CNTN1: variants seen among roughly 807,000 people sequenced by gnomAD.
CNTN1 encodes the protein contactin 1, also known as contactin-1.
Under a neutral mutation model 126.4 loss-of-function variants are expected in CNTN1, and 38 were observed. The observed-to-expected ratio is 0.30, with a 90% CI of 0.23 to 0.39. The LOEUF (loss-of-function observed/expected upper bound fraction) is 0.39, where lower values mean the gene tolerates loss of function less well. Ranked by LOEUF, CNTN1 falls within the 10% of genes least tolerant of loss-of-function variation. CNTN1 has a pLI of 1.00. For missense variants in CNTN1, 1,009 were observed against 1,248.4 expected, an observed-to-expected ratio of 0.81 and a Z score of 2.89; for synonymous variants, 413 against 422.6, an observed-to-expected ratio of 0.98 and a Z score of 0.28.
intron 1 of CNTN1, among the ~76,000 whole-genome samples, chr12:40,815,835 G>C (rs1363064870): frequency 6.6e-6 from 1 of 152,062 alleles, no homozygotes; most frequent in Non-Finnish European, 1.5e-5. Flanking sequence ...TTAATACTTA[G>C]TTTATTGAGA....
At chr12:40,913,285 T>C (rs554467331) in intron 3 of CNTN1, among the ~76,000 whole-genome samples, 22 of 152,334 alleles carry the variant, frequency 1.4e-4, no homozygotes, top group Non-Finnish European at 2.9e-4. Context: ...GCCCATCTTC[T>C]GTTATCAGCA....
intron 19 of CNTN1, among the ~76,000 whole-genome samples, chr12:41,018,586 G>A (rs1417187059): frequency 2.7e-5 from 4 of 150,912 alleles, no homozygotes; most frequent in Admixed American, 6.6e-5. Flanking sequence ...ATTCATATAT[G>A]TTAAAGTATA....
intron 1 of CNTN1, among the ~76,000 whole-genome samples, chr12:40,744,463 T>G (rs1938096138): frequency 6.6e-6 from 1 of 151,956 alleles, no homozygotes; most frequent in African/African-American, 2.4e-5. Context: ...GAAGTGAAAT[T>G]TGCGCTGAGG....
chr12:40,993,103 C>A lies in CNTN1; in HGVS notation c.1964-17C>A, dbSNP rs1355723355. On this transcript the variant is annotated splice_polypyrimidine_tract_variant and intron_variant, in intron 16 of 23. Transcript: ENST00000551295. ...TTAATCAACCTGTATTCTCTATTTACTATTTATTTTATTCAGATCCCCCAA... is the reference window on the plus strand; with the variant it reads ...TTAATCAACCTGTATTCTCTATTTAATATTTATTTTATTCAGATCCCCCAA... The A allele has an allele frequency of 8.7e-6, 14 of 1,605,884 alleles. No individual in the cohort carries two copies. Among genetic ancestry groups the A allele is most frequent in the African/African-American group, 2.7e-5 (2 of 74,704 alleles).
chr12:40,851,606 C>T (rs1372822888), intron 1 of CNTN1, among the ~76,000 whole-genome samples: 2 of 152,210 alleles, frequency 1.3e-5, no homozygotes, highest in Admixed American at 6.5e-5. Flanking sequence ...ACTTTTTTCT[C>T]CCCTTATTGT....
At chr12:40,710,790 A>G (rs987146312) in intron 1 of CNTN1, among the ~76,000 whole-genome samples, 6 of 152,176 alleles carry the variant, frequency 3.9e-5, no homozygotes, top group Non-Finnish European at 7.4e-5. Context: ...ATTTCTAAAA[A>G]GAATACTGCA....
chr12:40,989,748 G>A (rs1948055031), intron 16 of CNTN1, among the ~76,000 whole-genome samples: 1 of 151,892 alleles, frequency 6.6e-6, no homozygotes, highest in Admixed American at 6.6e-5. Flanking sequence ...AGGCCCTGAG[G>A]GGTTTCAAAA....
intron 1 of CNTN1, among the ~76,000 whole-genome samples, chr12:40,745,475 G>A (rs541186582): frequency 8.2e-4 from 125 of 152,232 alleles, no homozygotes; most frequent in African/African-American, 2.9e-3. Flanking sequence ...TGTCCTGATT[G>A]GCAGTTGGTT....
At chr12:40,902,068 T>C (rs770693879) in intron 1 of CNTN1, among the ~76,000 whole-genome samples, 3 of 152,240 alleles carry the variant, frequency 2.0e-5, no homozygotes, top group Non-Finnish European at 4.4e-5. Flanking sequence ...TATTTCATTG[T>C]ATAGTATCCC....
chr12:40,813,050 TCTTTCTTTCTTC>T (rs1377906029), intron 1 of CNTN1, among the ~76,000 whole-genome samples: 3 of 131,980 alleles, frequency 2.3e-5, no homozygotes, highest in South Asian at 5.1e-4. Flanking sequence ...TTTCTTTCTT[TCTTTCTTTCTTC>T]CTTCCTTCCT....
chr12:41,054,094 A>T (rs894810191), intron 23 of CNTN1, among the ~76,000 whole-genome samples: 2 of 151,850 alleles, frequency 1.3e-5, no homozygotes, highest in African/African-American at 2.4e-5. Flanking sequence ...CTCAAATTAA[A>T]GTGAAAATGA....
At chr12:40,953,042 G>A (rs1345660564) in intron 14 of CNTN1, among the ~76,000 whole-genome samples, 1 of 152,018 alleles carries the variant, frequency 6.6e-6, no homozygotes, top group African/African-American at 2.4e-5. Flanking sequence ...TGTTCACTAA[G>A]ATTAATTCAA....
chr12:40,990,604 C>G (rs1948075431), intron 16 of CNTN1, among the ~76,000 whole-genome samples: 1 of 152,202 alleles, frequency 6.6e-6, no homozygotes, highest in Non-Finnish European at 1.5e-5. Flanking sequence ...CTATGATCTT[C>G]TACTTTATGA....
chr12:40,925,589 A>ACG (rs1555181806), intron 6 of CNTN1, among the ~76,000 whole-genome samples: 44 of 132,910 alleles, frequency 3.3e-4, no homozygotes, highest in African/African-American at 1.3e-3. Flanking sequence ...GTATATATAC[A>ACG]TGTATATATA....
rs1190714465 is a variant in CNTN1, at chr12:41,071,964, C to T, written c.*1929C>T. The T allele has an allele frequency of 2.0e-5, 3 of 152,084 alleles. No homozygotes were observed. Among genetic ancestry groups the T allele is most frequent in the East Asian group, 1.9e-4 (1 of 5,180 alleles). 9.4% of individuals were successfully genotyped at this position (152,084 alleles called of 1,614,324 possible). Reference sequence around the variant, plus strand: ...TTTATTTTCTAATATATGATAATAACGAGCAAAACTGGTTAGATTTTGCAT... The same window carrying T: ...TTTATTTTCTAATATATGATAATAATGAGCAAAACTGGTTAGATTTTGCAT... On this transcript the variant is annotated 3_prime_UTR_variant, in exon 24 of 24. Transcript: ENST00000551295.
At chr12:40,780,534 T>C (rs1326259925) in intron 1 of CNTN1, among the ~76,000 whole-genome samples, 1 of 151,780 alleles carries the variant, frequency 6.6e-6, no homozygotes, top group Non-Finnish European at 1.5e-5. Context: ...TGAAAGTCTT[T>C]CTTATATTTG....
At chr12:40,897,819 C>T (rs537244222) in intron 1 of CNTN1, among the ~76,000 whole-genome samples, 13 of 152,142 alleles carry the variant, frequency 8.5e-5, no homozygotes, top group African/African-American at 3.1e-4. Flanking sequence ...AGAGCAGAGC[C>T]TTCATAAACC....
intron 1 of CNTN1, among the ~76,000 whole-genome samples, chr12:40,879,511 A>T (rs771656660): frequency 3.3e-5 from 5 of 152,118 alleles, no homozygotes; most frequent in Non-Finnish European, 5.9e-5. Flanking sequence ...CCTTTTTTAT[A>T]TGTTATGCAA....
chr12:41,047,999 T>A (rs1949583844), intron 23 of CNTN1, among the ~76,000 whole-genome samples: 1 of 152,154 alleles, frequency 6.6e-6, no homozygotes, highest in South Asian at 2.1e-4. Flanking sequence ...TCTTTCCATA[T>A]CCAGCTTAAA....
Sources: allele counts gnomAD v4.1 joint callset (sites outside exome capture counted in the v4.1 genomes callset), GRCh38; gene constraint gnomAD v4.1.1; transcripts MANE v1.5; gene names NCBI Gene and HGNC (gene_info 2026-07-23, HGNC 2026-07-21).